The following KLHL1 variants were observed in gnomAD, a reference collection of about 807,000 sequenced individuals.
KLHL1 encodes kelch like family member 1, also known as kelch-like protein 1.
KLHL1 carries 47 observed loss-of-function variants against 77.7 expected under a neutral mutation model. The observed-to-expected ratio is 0.60, with a 90% CI of 0.48 to 0.77. The LOEUF is 0.77. Among genes scored for constraint, KLHL1 ranks in the 30% least tolerant of loss-of-function variants. KLHL1 has a pLI of 0.00. For synonymous variants in KLHL1, 360 were observed against 325.2 expected (o/e 1.11, Z -1.15); for missense variants, 925 against 910.8 (o/e 1.02, Z -0.20).
At chr13:69,891,146 C>T (rs893125169) in intron 4 of KLHL1, among the ~76,000 whole-genome samples, 6 of 151,978 alleles carry the variant, frequency 3.9e-5, no homozygotes, top group East Asian at 1.9e-4. Flanking sequence ...TGTTATCATA[C>T]GCATAAACCC....
At chr13:69,855,571 T>C (rs1363521306) in intron 5 of KLHL1, among the ~76,000 whole-genome samples, 1 of 151,756 alleles carries the variant, frequency 6.6e-6, no homozygotes, top group African/African-American at 2.4e-5. Context: ...GTTTTTCTGC[T>C]CATGATAGTG....
At chr13:69,828,831 A>G (rs1462379540) in intron 6 of KLHL1, among the ~76,000 whole-genome samples, 2 of 149,732 alleles carry the variant, frequency 1.3e-5, no homozygotes, top group Non-Finnish European at 3.0e-5. Flanking sequence ...AAGCAGCCAT[A>G]ATCCCCCTGG....
chr13:70,049,789 A>T (rs2137390385), intron 1 of KLHL1, among the ~76,000 whole-genome samples: 1 of 152,190 alleles, frequency 6.6e-6, no homozygotes, highest in East Asian at 1.9e-4. Flanking sequence ...TCATGTTAGA[A>T]ATTCAAACTT....
At chr13:69,800,155 A>G (rs1279328142) in intron 6 of KLHL1, among the ~76,000 whole-genome samples, 1 of 152,128 alleles carries the variant, frequency 6.6e-6, no homozygotes, top group Non-Finnish European at 1.5e-5. Context: ...TCTATCCCCA[A>G]AGTCAGCAAC....
chr13:69,719,683 G>A lies in KLHL1; in HGVS notation c.1803-102C>T, dbSNP rs947899965. 10 of 795,814 alleles carry A rather than the reference G, an allele frequency of 1.3e-5. 1 individual carries two copies. The highest frequency in any genetic ancestry group is 5.5e-5 in the South Asian group (3 of 54,344). 49.3% of individuals were successfully genotyped at this position (795,814 alleles called of 1,614,324 possible). A position where few individuals can be genotyped will look rare whatever the true frequency, so the allele number is the denominator to read the frequency against. On this transcript the variant is annotated intron_variant, in intron 8 of 10. Coordinates refer to ENST00000377844, the MANE Select transcript of KLHL1 (RefSeq NM_020866.3). ...AATTTTCACAGTATGAGGCTCAAAC[G>A]TGTTGGAAATATATTACTTTGCAGG...
chr13:69,774,428 CT>C (rs1875724544), intron 7 of KLHL1, among the ~76,000 whole-genome samples: 1 of 151,500 alleles, frequency 6.6e-6, no homozygotes, highest in Non-Finnish European at 1.5e-5. Flanking sequence ...TTTTGTTATT[CT>C]TTTAGAATCT....
At chr13:69,973,170 GAACT>G (rs1478918096) in intron 2 of KLHL1, among the ~76,000 whole-genome samples, 1 of 151,870 alleles carries the variant, frequency 6.6e-6, no homozygotes, top group Non-Finnish European at 1.5e-5. Context: ...ACAGTAAACA[GAACT>G]ATCTACATAA....
intron 7 of KLHL1, 43 bp from the exon 8 acceptor site, chr13:69,740,599 CAT>C: frequency 7.2e-7 from 1 of 1,398,042 alleles, no homozygotes; most frequent in Non-Finnish European, 9.8e-7. Context: ...TAGTTAATAT[CAT>C]ATTGTACATT....
chr13:69,798,093 T>TTG (rs1555269370), intron 6 of KLHL1, among the ~76,000 whole-genome samples: 3 of 145,240 alleles, frequency 2.1e-5, no homozygotes, highest in Non-Finnish European at 4.5e-5. Context: ...TCCCAAATGT[T>TTG]TATAAGATAA....
intron 4 of KLHL1, among the ~76,000 whole-genome samples, chr13:69,931,119 T>G (rs1464734172): frequency 1.3e-5 from 2 of 151,730 alleles, no homozygotes; most frequent in East Asian, 3.9e-4. Context: ...TTTTCAAATA[T>G]AACTGCAGAG....
Position 69,778,986 on chromosome 13 carries a change from G to T in KLHL1, c.1639+17752C>A, listed in dbSNP as rs536174733. On this transcript the variant is annotated intron_variant, in intron 7 of 10. Transcript: ENST00000377844. The stretch of plus-strand genomic sequence containing the variant: ...GATTATTTTTTGTATTTTTAGTAGA[G>T]ATAGGGTTTCACCCTGTTAGTCAGG... Among the ~76,000 whole-genome samples, 4 of 151,884 alleles carry T rather than the reference G, an allele frequency of 2.6e-5. No homozygotes were observed. In the South Asian group the frequency reaches 8.3e-4, roughly 32 times the overall value.
intron 4 of KLHL1, among the ~76,000 whole-genome samples, chr13:69,935,943 A>C (rs1172576295): frequency 6.6e-6 from 1 of 152,184 alleles, no homozygotes; most frequent in Admixed American, 6.5e-5. Context: ...TCATAAAGAA[A>C]TCCGCAATAT....
At chr13:69,856,995 T>C (rs1435953766) in intron 5 of KLHL1, among the ~76,000 whole-genome samples, 1 of 152,008 alleles carries the variant, frequency 6.6e-6, no homozygotes, top group Non-Finnish European at 1.5e-5. Context: ...AATACAATCC[T>C]GCTGTTTCCC....
chr13:70,084,456 T>C (rs1460533428), intron 1 of KLHL1, among the ~76,000 whole-genome samples: 35 of 89,102 alleles, frequency 3.9e-4, no homozygotes, highest in Admixed American at 3.8e-3. Context: ...AGTCTATTTC[T>C]TCTTCTTCTT....
At chr13:70,049,283 A>C (rs1450698136) in intron 1 of KLHL1, among the ~76,000 whole-genome samples, 2 of 152,136 alleles carry the variant, frequency 1.3e-5, no homozygotes, top group Non-Finnish European at 2.9e-5. Flanking sequence ...TAATTCTTTT[A>C]TTTCTTGTTG....
At chr13:70,031,174 G>A (rs1886091424) in intron 1 of KLHL1, among the ~76,000 whole-genome samples, 1 of 152,144 alleles carries the variant, frequency 6.6e-6, no homozygotes, top group Non-Finnish European at 1.5e-5. Flanking sequence ...TGGAATGAAG[G>A]CAGAAATGGG....
intron 5 of KLHL1, among the ~76,000 whole-genome samples, chr13:69,857,378 TCAA>T (rs1375953271): frequency 6.6e-6 from 1 of 152,042 alleles, no homozygotes; most frequent in Non-Finnish European, 1.5e-5. Context: ...AAATTTACCT[TCAA>T]CATGTAGTCG....
chr13:69,880,976 T>C (rs1165187142), intron 5 of KLHL1, among the ~76,000 whole-genome samples: 1 of 152,140 alleles, frequency 6.6e-6, no homozygotes, highest in Admixed American at 6.6e-5. Context: ...CCCAAAAGAT[T>C]ACCCGCCCAA....
chr13:69,710,051 A>T (rs1875807534), intron 9 of KLHL1, among the ~76,000 whole-genome samples: 1 of 151,620 alleles, frequency 6.6e-6, no homozygotes, highest in Non-Finnish European at 1.5e-5. Context: ...CATGTTGCAA[A>T]TATATACTTT....
Sources: allele counts gnomAD v4.1 joint callset (sites outside exome capture counted in the v4.1 genomes callset), GRCh38; gene constraint gnomAD v4.1.1; transcripts MANE v1.5; gene names NCBI Gene and HGNC (gene_info 2026-07-23, HGNC 2026-07-21).